Variants in HECTD4 observed in about 807,000 individuals in gnomAD.
HECTD4 encodes the protein HECT domain E3 ubiquitin protein ligase 4.
A neutral mutation model predicts 471.5 loss-of-function variants in HECTD4; 114 were observed. That is an observed-to-expected ratio of 0.24 (90% confidence interval 0.21 to 0.28). The LOEUF (loss-of-function observed/expected upper bound fraction) is 0.28, where lower values mean the gene tolerates loss of function less well. Ranked by LOEUF, HECTD4 falls within the 10% of genes least tolerant of loss-of-function variation. The probability of loss-of-function intolerance (pLI) is 1.00; values close to 1 mark genes in which losing one functional copy is unlikely to be tolerated. For missense variants in HECTD4, 3,866 were observed against 5,651.5 expected (o/e 0.68, Z 10.13); for synonymous variants, 2,012 against 2,256.0 (o/e 0.89, Z 3.07).
At chr12:112,298,643 G>T (rs528049440) in intron 7 of HECTD4, among the ~76,000 whole-genome samples, 1 of 151,754 alleles carries the variant, frequency 6.6e-6, no homozygotes, top group South Asian at 2.1e-4. Flanking sequence ...AGCACTTTGG[G>T]AGGTCAAGCC....
At position 112,163,807 on chromosome 12, in the gene HECTD4, TC is replaced by T; in HGVS notation, c.12702-71del. 7.7e-7 allele frequency: 1 copy of T among 1,302,854 alleles called. No homozygotes were observed. Among genetic ancestry groups the T allele is most frequent in the Non-Finnish European group, 1.0e-6 (1 of 989,722 alleles). 80.7% of individuals were successfully genotyped at this position (1,302,854 alleles called of 1,614,324 possible). On this transcript the variant is annotated intron_variant, in intron 73 of 75. Transcript: ENST00000682272. This position sits in a 1 kb window ranked among gnomAD's most constrained non-coding sequence, Gnocchi z 8.2. ...GGCTGGGTCTGGGGGCCACACCCACTCAGCTGGAGGTCCCGGATCCTCTCTT... is the reference window on the plus strand; with the variant it reads ...GGCTGGGTCTGGGGGCCACACCCACTAGCTGGAGGTCCCGGATCCTCTCTT...
chr12:112,324,800 C>T lies in HECTD4; in HGVS notation c.178-5058G>A, dbSNP rs1158194617. Reference sequence around the variant, plus strand: ...TTTTAACTTTGATCATCTTCCCAGTCATAAACATCTAAACAAATAATAAAG... The same window carrying T: ...TTTTAACTTTGATCATCTTCCCAGTTATAAACATCTAAACAAATAATAAAG... On this transcript the variant is annotated intron_variant, in intron 1 of 75. Coordinates refer to ENST00000682272, the MANE Select transcript of HECTD4 (RefSeq NM_001388303.1). Among the ~76,000 whole-genome samples the T allele has an allele frequency of 5.9e-5, 9 of 152,216 alleles. No individual in the cohort carries two copies. The East Asian group carries it at 1.7e-3, about 29-fold the overall frequency.
At chr12:112,270,173 G>T in intron 12 of HECTD4, 54 bp downstream of exon 12, 1 of 1,500,246 alleles carries the variant, frequency 6.7e-7, no homozygotes, top group Non-Finnish European at 9.2e-7. Flanking sequence ...CTGAAGCCAA[G>T]GTTTGCGTTT....
chr12:112,230,084 T>C (rs964629556), intron 40 of HECTD4, among the ~76,000 whole-genome samples: 1 of 152,126 alleles, frequency 6.6e-6, no homozygotes, highest in Non-Finnish European at 1.5e-5. Context: ...AATACACAAC[T>C]GGGAGAATCA....
Position 112,195,069 on chromosome 12 carries a change from G to A in HECTD4, c.8568-3C>T, listed in dbSNP as rs747002721. 8 of 1,589,594 alleles carry A rather than the reference G, an allele frequency of 5.0e-6. No individual in the cohort carries two copies. Among genetic ancestry groups the A allele is most frequent in the East Asian group, 2.3e-5 (1 of 43,676 alleles). ...CAGCCTCGCAGCGCAGCAGCTCCCT[G>A]CAAGGGAAAAGGTGGGTGAGATACT... On this transcript the variant is annotated splice_region_variant and splice_polypyrimidine_tract_variant and intron_variant, in intron 55 of 75. Coordinates refer to ENST00000682272, the MANE Select transcript of HECTD4 (RefSeq NM_001388303.1).
intron 1 of HECTD4, among the ~76,000 whole-genome samples, chr12:112,349,388 C>CAAAAAAAAAAAAAA (rs60480485): frequency 1.8e-5 from 1 of 54,694 alleles, no homozygotes; most frequent in Non-Finnish European, 3.6e-5. Flanking sequence ...ACTCTTGCTC[C>CAAAAAAAAAAAAAA]AAAAAAAAAA....
intron 59 of HECTD4, among the ~76,000 whole-genome samples, chr12:112,192,270 G>A (rs2032104942): frequency 6.6e-6 from 1 of 152,198 alleles, no homozygotes; most frequent in South Asian, 2.1e-4. Flanking sequence ...GATTGCTCTG[G>A]TTGTATCATT....
At chr12:112,178,856 C>T (rs955595130) in intron 64 of HECTD4, 75 bp downstream of exon 64, 1 of 1,485,478 alleles carries the variant, frequency 6.7e-7, no homozygotes, top group South Asian at 1.4e-5. Context: ...AGCTGCCGCC[C>T]CTCAGGCTCC....
At chr12:112,181,050 C>T (rs1034865419) in intron 62 of HECTD4, among the ~76,000 whole-genome samples, 1 of 151,870 alleles carries the variant, frequency 6.6e-6, no homozygotes, top group Non-Finnish European at 1.5e-5. Context: ...CGCAGGATTA[C>T]CTGAGGTCAG....
intron 8 of HECTD4, among the ~76,000 whole-genome samples, chr12:112,280,759 G>C (rs1748739836): frequency 6.7e-6 from 1 of 148,616 alleles, no homozygotes; most frequent in African/African-American, 2.5e-5. Flanking sequence ...ATGGCAATAG[G>C]TATTAGTTTT....
intron 66 of HECTD4, among the ~76,000 whole-genome samples, chr12:112,175,144 C>G (rs1289831010): frequency 6.6e-6 from 1 of 152,200 alleles, no homozygotes; most frequent in African/African-American, 2.4e-5. Flanking sequence ...TGTTATGGGA[C>G]TGAACTGTGT....
intron 35 of HECTD4, 136 bp downstream of exon 35, chr12:112,236,809 T>G: frequency 5.4e-6 from 4 of 738,126 alleles, no homozygotes; most frequent in Non-Finnish European, 8.0e-6. Context: ...TCCTCCATTA[T>G]TTTTTTGAGG....
chr12:112,276,658 G>A (rs1392889110), intron 9 of HECTD4, among the ~76,000 whole-genome samples: 1 of 152,204 alleles, frequency 6.6e-6, no homozygotes, highest in Non-Finnish European at 1.5e-5. Context: ...CGTTGGCCAC[G>A]ATGGTCTCGA....
chr12:112,272,315 G>A (rs2034431944), intron 11 of HECTD4, among the ~76,000 whole-genome samples: 1 of 152,222 alleles, frequency 6.6e-6, no homozygotes, highest in Non-Finnish European at 1.5e-5. Context: ...CTCCCAAAGT[G>A]CTGGGATTAC....
chr12:112,163,151 G>A lies in HECTD4; in HGVS notation c.13011C>T (p.Ala4337=), dbSNP rs368281795. The part of the protein sequence containing the change: ...QEELCKFIKF[A]CNQERIPFTC... ...TGAACGGGATGCGCTCCTGGTTGCA[G>A]GCAAACTTGATGAACTTGCACAGCT... Residue 4337 remains alanine (A), a synonymous_variant, in exon 75 of 76, where the codon GCC becomes GCT. Transcript: ENST00000682272. This position sits in a 1 kb window ranked among gnomAD's most constrained non-coding sequence, Gnocchi z 8.2. The A allele has an allele frequency of 4.6e-5, 74 of 1,613,906 alleles. No individual in the cohort carries two copies. Among genetic ancestry groups the A allele is most frequent in the Non-Finnish European group, 4.7e-5 (55 of 1,179,894 alleles).
At chr12:112,186,810 G>A (rs2031882148) in intron 60 of HECTD4, among the ~76,000 whole-genome samples, 1 of 151,146 alleles carries the variant, frequency 6.6e-6, no homozygotes. Flanking sequence ...TTGAATTACA[G>A]GCATGTGCCA....
At chr12:112,227,982 C>T in intron 43 of HECTD4, 107 bp downstream of exon 43, 1 of 995,552 alleles carries the variant, frequency 1.0e-6, no homozygotes, top group East Asian at 2.7e-5. Flanking sequence ...GTGTGAGCTT[C>T]AAGCTGTGGA....
intron 52 of HECTD4, among the ~76,000 whole-genome samples, chr12:112,207,602 C>G (rs1390949007): frequency 6.6e-6 from 1 of 152,170 alleles, no homozygotes; most frequent in Non-Finnish European, 1.5e-5. Context: ...CAGATGTGAA[C>G]TGTTAACCAC....
chr12:112,231,966 G>A (rs1044992128), intron 38 of HECTD4, among the ~76,000 whole-genome samples: 2 of 152,050 alleles, frequency 1.3e-5, no homozygotes, highest in African/African-American at 4.8e-5. Context: ...GACACAGACT[G>A]CATTTCATTT....
Sources: allele counts gnomAD v4.1 joint callset (sites outside exome capture counted in the v4.1 genomes callset), GRCh38; gene constraint gnomAD v4.1.1; non-coding constraint Gnocchi (gnomAD v3.1); transcripts MANE v1.5; gene names NCBI Gene and HGNC (gene_info 2026-07-23, HGNC 2026-07-21).